Variants in WDR76 observed in about 807,000 individuals in gnomAD.
WDR76 encodes the protein WD repeat domain 76, also known as WD repeat-containing protein 76.
In WDR76, 52 loss-of-function variants were observed where a neutral mutation model predicts 70.2. That is an observed-to-expected ratio of 0.74 (90% confidence interval 0.59 to 0.93). WDR76 has a LOEUF of 0.93. WDR76 is among the 40% of genes least tolerant of loss of function. The pLI, the probability that WDR76 is intolerant of heterozygous loss-of-function variation, is 0.00. For synonymous variants in WDR76, 292 were observed against 271.1 expected (o/e 1.08, Z -0.76); for missense variants, 756 against 760.2 (o/e 0.99, Z 0.07).
At chr15:43,847,860 G>T (rs1035850711) in intron 8 of WDR76, among the ~76,000 whole-genome samples, 11 of 152,092 alleles carry the variant, frequency 7.2e-5, no homozygotes, top group African/African-American at 2.7e-4. Context: ...CCTGGCCTCA[G>T]TGGTTTTTAA....
Position 43,843,931 on chromosome 15 carries a change from T to G in WDR76, c.909T>G (p.Ile303Met). 1 of 1,603,824 alleles carries G rather than the reference T, an allele frequency of 6.2e-7. No homozygotes were observed. The highest frequency in any genetic ancestry group is 1.3e-5 in the African/African-American group (1 of 74,774). Residue 303 changes from isoleucine to methionine, a missense_variant, in exon 8 of 13, where the codon ATT becomes ATG. By Grantham distance (10) the Ile-to-Met change is conservative. Coordinates refer to ENST00000263795, the MANE Select transcript of WDR76 (RefSeq NM_024908.4). ...SYKANLNGMV[I>M]SEDTVYKVTT... Reference sequence around the variant, plus strand: ...AAGCCAATTTAAATGGCATGGTCATTAGTGAAGATACCGTTTACAAAGTTA... The same window carrying G: ...AAGCCAATTTAAATGGCATGGTCATGAGTGAAGATACCGTTTACAAAGTTA...
intron 7 of WDR76, 93 bp from the exon 8 acceptor site, chr15:43,843,808 C>T: frequency 8.8e-7 from 1 of 1,140,044 alleles, no homozygotes; most frequent in Non-Finnish European, 1.2e-6. Flanking sequence ...TATTTATTTG[C>T]TAATTGTGAT....
chr15:43,861,233 T>C, intron 11 of WDR76, 100 bp from the exon 12 acceptor site: 3 of 1,035,834 alleles, frequency 2.9e-6, no homozygotes, highest in Non-Finnish European at 4.5e-6. Flanking sequence ...AGTTATATAT[T>C]TCATACCATG....
At chr15:43,833,464 G>T (rs922037756) in intron 2 of WDR76, among the ~76,000 whole-genome samples, 1 of 151,122 alleles carries the variant, frequency 6.6e-6, no homozygotes, top group Admixed American at 6.6e-5. Context: ...GACTACAGGC[G>T]CCCACCACCA....
intron 5 of WDR76, among the ~76,000 whole-genome samples, chr15:43,841,486 A>G (rs28780699): frequency 0.18 from 27,446 of 151,528 alleles, 3,648 homozygotes; most frequent in African/African-American, 0.37. Flanking sequence ...GAGCCACCGC[A>G]CCCGGCCCAC....
Position 43,844,005 on chromosome 15 carries a change from C to G in WDR76, c.983C>G (p.Thr328Ser). 6.2e-7 allele frequency: 1 copy of G among 1,613,770 alleles called. No homozygotes were observed. Among genetic ancestry groups the G allele is most frequent in the South Asian group, 1.1e-5 (1 of 90,984 alleles). The change falls in exon 8 of 13, where the codon ACT becomes AGT. Residue 328 changes from threonine (T) to serine (S), a missense_variant. Coordinates refer to ENST00000263795, the MANE Select transcript of WDR76 (RefSeq NM_024908.4). Reference sequence around the variant, plus strand: ...GCTCTCCATCCATCAGAAACTAGAACTTTGGTAGCAGTTGGGGCCAAATTT... The same window carrying G: ...GCTCTCCATCCATCAGAAACTAGAAGTTTGGTAGCAGTTGGGGCCAAATTT... ...SMALHPSETR[T>S]LVAVGAKFGQ...
At chr15:43,862,492 T>G (rs1406095325) in intron 12 of WDR76, among the ~76,000 whole-genome samples, 3 of 147,644 alleles carry the variant, frequency 2.0e-5, no homozygotes, top group Non-Finnish European at 3.0e-5. Flanking sequence ...TAATTTCTGT[T>G]TTTTTTTTTG....
chr15:43,861,422 T>G, intron 12 of WDR76, 36 bp downstream of exon 12: 2 of 1,568,674 alleles, frequency 1.3e-6, no homozygotes, highest in East Asian at 4.5e-5. Flanking sequence ...TAGATGTGGA[T>G]TACTATGAAC....
chr15:43,866,269 G>A lies in WDR76; in HGVS notation c.1758G>A (p.Ser586=), dbSNP rs752789943. The A allele has an allele frequency of 1.2e-5, 19 of 1,614,112 alleles. No individual in the cohort carries two copies. The highest frequency in any genetic ancestry group is 1.6e-5 in the Non-Finnish European group (19 of 1,180,032). ...ATGAGACAGGAAAGAGGGTGCATTC[G>A]TTTGGTGGAGAATACCTTGTCTCTG... ...IFHETGKRVH[S]FGGEYLVSVC... is the part of the protein sequence containing the mutation. The change falls in exon 13 of 13, where the codon TCG becomes TCA. Residue 586 remains serine, a synonymous_variant. Coordinates refer to ENST00000263795, the MANE Select transcript of WDR76 (RefSeq NM_024908.4).
rs1397202561 is a variant in WDR76, at chr15:43,828,049, G to A, written c.145G>A (p.Val49Ile). The A allele has an allele frequency of 6.2e-7, 1 of 1,614,136 alleles. No homozygotes were observed. Among genetic ancestry groups the A allele is most frequent in the Non-Finnish European group, 8.5e-7 (1 of 1,180,026 alleles). Reference sequence around the variant, plus strand: ...TACAGTTTTAATAAAAACAGCTAAGGTCTATCTTGCCCCCTTTTCACTCAG... The same window carrying A: ...TACAGTTTTAATAAAAACAGCTAAGATCTATCTTGCCCCCTTTTCACTCAG... ...QTTVLIKTAK[V>I]YLAPFSLSNY... The change falls in exon 2 of 13, where the codon GTC becomes ATC. Residue 49 changes from valine to isoleucine, a missense_variant. By Grantham distance (29) the Val-to-Ile change is conservative (BLOSUM62 3). Coordinates refer to ENST00000263795, the MANE Select transcript of WDR76 (RefSeq NM_024908.4).
chr15:43,842,863 CT>C (rs1434289704), intron 7 of WDR76, among the ~76,000 whole-genome samples, 192 bp downstream of exon 7: 1 of 152,092 alleles, frequency 6.6e-6, no homozygotes, highest in African/African-American at 2.4e-5. Flanking sequence ...TACAATACCA[CT>C]AGGATATAAG....
intron 10 of WDR76, 135 bp from the exon 11 acceptor site, chr15:43,858,536 G>T: frequency 8.7e-7 from 1 of 1,151,496 alleles, no homozygotes; most frequent in Non-Finnish European, 1.2e-6. Flanking sequence ...TTGAGCCACC[G>T]CACCTGGCTG....
At chr15:43,856,390 T>C (rs2087927249) in intron 9 of WDR76, among the ~76,000 whole-genome samples, 1 of 152,212 alleles carries the variant, frequency 6.6e-6, no homozygotes, top group Admixed American at 6.6e-5. Flanking sequence ...GTCTTGGACT[T>C]GGTTGGCAAA....
At chr15:43,861,204 C>T (rs2087993347) in intron 11 of WDR76, 129 bp from the exon 12 acceptor site, 5 of 814,520 alleles carry the variant, frequency 6.1e-6, no homozygotes, top group Non-Finnish European at 9.9e-6. Flanking sequence ...CGGCCTGATC[C>T]TACATATTTT....
intron 8 of WDR76, among the ~76,000 whole-genome samples, chr15:43,848,003 A>G (rs1017603263): frequency 2.6e-5 from 4 of 151,868 alleles, no homozygotes; most frequent in African/African-American, 9.7e-5. Context: ...TCAAGGCAGG[A>G]GGATGGCTTA....
intron 5 of WDR76, among the ~76,000 whole-genome samples, chr15:43,840,759 G>T (rs1298007701): frequency 2.0e-5 from 3 of 151,892 alleles, no homozygotes; most frequent in Admixed American, 2.0e-4. Flanking sequence ...CAGGAGGATC[G>T]CTTGAACCCA....
At chr15:43,829,250 A>C (rs532334030) in intron 2 of WDR76, among the ~76,000 whole-genome samples, 6 of 152,244 alleles carry the variant, frequency 3.9e-5, no homozygotes, top group South Asian at 2.1e-4. Context: ...GCCGTGCTCC[A>C]TTCAAAGTGA....
chr15:43,830,175 A>G lies in WDR76; in HGVS notation c.462+1809A>G, dbSNP rs751024053. On this transcript the variant is annotated intron_variant, in intron 2 of 12. Coordinates refer to ENST00000263795, the MANE Select transcript of WDR76 (RefSeq NM_024908.4). ...AGCCACCACACCCAGCCCAATTTGC[A>G]TATTTAACAGTTTCCTAGAGACGCT... Among the ~76,000 whole-genome samples the G allele has an allele frequency of 7.1e-4, 108 of 152,004 alleles. 6 individuals carry two copies. The highest frequency in any genetic ancestry group is 1.0e-4 in the Non-Finnish European group (7 of 67,984).
At chr15:43,857,209 A>G (rs765073925) in intron 10 of WDR76, 46 bp downstream of exon 10, 2 of 1,521,200 alleles carry the variant, frequency 1.3e-6, no homozygotes, top group Non-Finnish European at 1.8e-6. Flanking sequence ...TTAATGTCAC[A>G]ATTACATGGT....
Sources: allele counts gnomAD v4.1 joint callset (sites outside exome capture counted in the v4.1 genomes callset), GRCh38; gene constraint gnomAD v4.1.1; transcripts MANE v1.5; gene names NCBI Gene and HGNC (gene_info 2026-07-23, HGNC 2026-07-21).